TTC7B: variants seen among roughly 807,000 people sequenced by gnomAD.
The protein encoded by TTC7B is tetratricopeptide repeat protein 7B.
In TTC7B, 28 loss-of-function variants were observed where a neutral mutation model predicts 106.8. The ratio of observed to expected loss-of-function variants is 0.26; its 90% CI spans 0.19 to 0.36. The LOEUF is 0.36. TTC7B is among the 10% of genes least tolerant of loss of function. TTC7B has a pLI of 1.00. For missense variants in TTC7B, 862 were observed against 1,076.4 expected, an observed-to-expected ratio of 0.80 and a Z score of 2.79; for synonymous variants, 405 against 430.6, an observed-to-expected ratio of 0.94 and a Z score of 0.74.
intron 4 of TTC7B, among the ~76,000 whole-genome samples, chr14:90,744,553 C>T (rs551759924): frequency 1.3e-5 from 2 of 152,272 alleles, no homozygotes; most frequent in Admixed American, 1.3e-4. Context: ...AGAAGATCCA[C>T]CTGCCTCAGC....
intron 18 of TTC7B, among the ~76,000 whole-genome samples, chr14:90,588,186 C>T (rs1430012705): frequency 6.6e-6 from 1 of 152,238 alleles, no homozygotes; most frequent in Non-Finnish European, 1.5e-5. Flanking sequence ...CCTGCTGATG[C>T]AACCTCTGGT....
At chr14:90,563,791 T>C (rs1890683106) in intron 19 of TTC7B, among the ~76,000 whole-genome samples, 2 of 152,344 alleles carry the variant, frequency 1.3e-5, no homozygotes, top group South Asian at 4.1e-4. Context: ...TCACAATGTC[T>C]TCACCAGGAG....
At chr14:90,640,475 G>C (rs1230796511) in intron 15 of TTC7B, among the ~76,000 whole-genome samples, 1 of 151,548 alleles carries the variant, frequency 6.6e-6, no homozygotes, top group East Asian at 1.9e-4. Flanking sequence ...TAAGATACGT[G>C]TAAGTATATA....
intron 15 of TTC7B, among the ~76,000 whole-genome samples, chr14:90,642,197 A>G (rs1346985899): frequency 6.6e-6 from 1 of 152,220 alleles, no homozygotes; most frequent in Non-Finnish European, 1.5e-5. Context: ...AAGCTCTTTA[A>G]TTCACTCTGC....
Position 90,536,304 on chromosome 14 carries a change from C to T in TTC7B, c.*5064G>A, listed in dbSNP as rs1248179734. ...CCCCGGAGCTCAGCCCTGACCTCTT[C>T]CTCTTTGTCTATGCTTGTCCCGAAG... On this transcript the variant is annotated 3_prime_UTR_variant, in exon 20 of 20. Transcript: ENST00000328459. 6.5e-6 allele frequency: 1 copy of T among 154,256 alleles called. No individual in the cohort carries two copies. The highest frequency in any genetic ancestry group is 1.5e-5 in the Non-Finnish European group (1 of 68,618). 9.6% of individuals were successfully genotyped at this position (154,256 alleles called of 1,614,324 possible).
rs147193400 is a variant in TTC7B, at chr14:90,549,306, C to T, written c.2311-7717G>A. Among the ~76,000 whole-genome samples the T allele has an allele frequency of 2.9e-3, 445 of 152,282 alleles. 3 individuals carry two copies. The highest frequency in any genetic ancestry group is 0.014 in the Middle Eastern group (4 of 294). ...ATCAGTGGCTTTTCCCACGGCTCAG[C>T]GCCCACCTGAGCTGCTGGGGCCACC... On this transcript the variant is annotated intron_variant, in intron 19 of 19. Transcript: ENST00000328459.
intron 19 of TTC7B, among the ~76,000 whole-genome samples, chr14:90,562,788 C>T (rs968620708): frequency 3.6e-4 from 55 of 152,206 alleles, no homozygotes; most frequent in African/African-American, 1.3e-3. Flanking sequence ...ACTAGCCTTT[C>T]CACACTCAAA....
chr14:90,692,874 T>G (rs1040782874), intron 6 of TTC7B, among the ~76,000 whole-genome samples: 16 of 152,178 alleles, frequency 1.1e-4, no homozygotes, highest in African/African-American at 3.6e-4. Flanking sequence ...GATATTTAAG[T>G]AAATTTTGAA....
At chr14:90,569,939 C>G (rs780779057) in intron 19 of TTC7B, 1 of 152,266 alleles carries the variant, frequency 6.6e-6, no homozygotes, top group Non-Finnish European at 1.5e-5. Context: ...ATAGTGACGC[C>G]CATGCCTTCC....
At position 90,690,955 on chromosome 14, in the gene TTC7B, A is replaced by G. The variant is rs117281410; in HGVS notation, c.778-1243T>C. Among the ~76,000 whole-genome samples the G allele has an allele frequency of 7.9e-4, 120 of 152,078 alleles. 2 individuals carry two copies. In the East Asian group the frequency reaches 0.021, roughly 26 times the overall value. ...AGACCCATTGGCATTAAATGTCTAT[A>G]AAAATGTGAAATTAAATGCACTCTG... On this transcript the variant is annotated intron_variant, in intron 6 of 19. Coordinates refer to ENST00000328459, the MANE Select transcript of TTC7B (RefSeq NM_001010854.2).
At chr14:90,795,088 G>A (rs1290853436) in intron 1 of TTC7B, among the ~76,000 whole-genome samples, 1 of 152,088 alleles carries the variant, frequency 6.6e-6, no homozygotes, top group Non-Finnish European at 1.5e-5. Context: ...CAGGGCATAC[G>A]AGAAAATTAA....
In TTC7B at chr14:90,646,989, C is replaced by T. The variant is rs1566816421; in HGVS notation, c.1552G>A (p.Ala518Thr). 1.2e-6 allele frequency: 2 copies of T among 1,614,178 alleles called. No homozygotes were observed. The highest frequency in any genetic ancestry group is 1.1e-5 in the South Asian group (1 of 91,082). Residue 518 changes from alanine (A) to threonine (T), a missense_variant, in exon 14 of 20, where the codon GCT becomes ACT. Transcript: ENST00000328459. ...HSLSPTDHQA[A>T]FYLALQLAIS... ...GCAAGCTGCAGAGCCAGGTAGAAAG[C>T]TGCTTGGTGATCTGTGGGTGACAGG...
chr14:90,664,452 G>C (rs1045017445), intron 9 of TTC7B, among the ~76,000 whole-genome samples: 1 of 151,970 alleles, frequency 6.6e-6, no homozygotes, highest in Non-Finnish European at 1.5e-5. Flanking sequence ...TGTATTTTTA[G>C]TAGAGATGGG....
At chr14:90,786,128 A>C (rs776952274) in intron 2 of TTC7B, 46 bp downstream of exon 2, 3 of 1,500,780 alleles carry the variant, frequency 2.0e-6, no homozygotes, top group East Asian at 4.9e-5. Context: ...TCTCAACCCC[A>C]CACTGTCCAA....
At chr14:90,573,075 G>A (rs1891096401) in intron 19 of TTC7B, among the ~76,000 whole-genome samples, 1 of 152,172 alleles carries the variant, frequency 6.6e-6, no homozygotes, top group Non-Finnish European at 1.5e-5. Context: ...CAGCCCCTCT[G>A]CCATCTTCTC....
At chr14:90,543,413 C>A (rs1162096009) in intron 19 of TTC7B, among the ~76,000 whole-genome samples, 1 of 152,202 alleles carries the variant, frequency 6.6e-6, no homozygotes, top group Non-Finnish European at 1.5e-5. Flanking sequence ...GCACTGCCTC[C>A]ATCCTAGAGT....
intron 19 of TTC7B, among the ~76,000 whole-genome samples, chr14:90,566,708 C>G (rs1595164555): frequency 6.6e-6 from 1 of 152,160 alleles, no homozygotes; most frequent in African/African-American, 2.4e-5. Context: ...AGGCAAGGCC[C>G]ATGGGGTGGG....
intron 2 of TTC7B, 55 bp from the exon 3 acceptor site, chr14:90,780,961 C>T: frequency 6.5e-7 from 1 of 1,544,044 alleles, no homozygotes; most frequent in Non-Finnish European, 8.9e-7. Context: ...AGGCATGATG[C>T]TCCCTCAGAG....
At chr14:90,713,067 T>C (rs1888510403) in intron 5 of TTC7B, among the ~76,000 whole-genome samples, 1 of 152,154 alleles carries the variant, frequency 6.6e-6, no homozygotes, top group South Asian at 2.1e-4. Context: ...ACAATCCAAT[T>C]GAAAACAGGG....
Sources: gnomAD v4.1 joint callset for allele counts (sites outside exome capture counted in the v4.1 genomes callset) on GRCh38, gnomAD v4.1.1 for gene constraint, MANE v1.5 for transcripts, NCBI Gene and HGNC (gene_info 2026-07-23, HGNC 2026-07-21) for gene names.